Variants in MLPH observed in about 807,000 individuals in gnomAD.
The protein encoded by MLPH is exophilin-3.
MLPH carries 51 observed loss-of-function variants against 72.1 expected under a neutral mutation model. The observed-to-expected ratio is 0.71, with a 90% CI of 0.56 to 0.89. MLPH has a LOEUF of 0.89. Ranked by LOEUF, MLPH falls within the 40% of genes least tolerant of loss-of-function variation. MLPH has a pLI of 0.00. For synonymous variants in MLPH, 301 were observed against 310.1 expected (o/e 0.97, Z 0.31); for missense variants, 743 against 759.9 (o/e 0.98, Z 0.26).
chr2:237,500,848 C>T (rs1478127754), intron 2 of MLPH, among the ~76,000 whole-genome samples: 2 of 152,112 alleles, frequency 1.3e-5, no homozygotes, highest in Non-Finnish European at 2.9e-5. Context: ...CAATGCCAGC[C>T]TCAGGTCACG....
rs552667107 is a variant in MLPH at position 237,525,804 on chromosome 2, C to A, written c.879C>A (p.Leu293=). Residue 293 remains leucine, a splice_region_variant and synonymous_variant, in exon 7 of 16, where the codon CTC becomes CTA. Coordinates refer to ENST00000264605, the MANE Select transcript of MLPH (RefSeq NM_024101.7). ...TGGCCCTGGGGACTGCTGCTGCACT[C>A]GGTAGGTGCCCTTGGCCAGGGTCTT... ...HRMALGTAAA[L]GSNVIRNEQL... The A allele has an allele frequency of 3.7e-6, 6 of 1,611,188 alleles. No individual in the cohort carries two copies. The African/African-American group carries it at 6.7e-5, about 18-fold the overall frequency.
chr2:237,494,574 G>A (rs746130373), intron 2 of MLPH, among the ~76,000 whole-genome samples: 4 of 152,130 alleles, frequency 2.6e-5, no homozygotes, highest in Non-Finnish European at 5.9e-5. Context: ...GGCAGAGCCA[G>A]CAAGCTTGAC....
chr2:237,511,206 ATGTG>A (rs918131689), intron 4 of MLPH, 105 bp downstream of exon 4: 71 of 853,780 alleles, frequency 8.3e-5, no homozygotes, highest in Non-Finnish European at 1.4e-4. Flanking sequence ...GTGTGTGTGC[ATGTG>A]TGTGTGCACA....
chr2:237,503,636 A>C (rs574691171), intron 2 of MLPH, among the ~76,000 whole-genome samples: 9 of 151,764 alleles, frequency 5.9e-5, no homozygotes, highest in Non-Finnish European at 1.2e-4. Flanking sequence ...CCAGTCCCCA[A>C]CTCAGGGTCA....
chr2:237,525,020 C>CA, intron 6 of MLPH, among the ~76,000 whole-genome samples: 1 of 152,326 alleles, frequency 6.6e-6, no homozygotes, highest in Middle Eastern at 3.4e-3. Flanking sequence ...CTCCACCCCC[C>CA]ACTCACAGTC....
At chr2:237,515,537 G>A (rs1473202416) in intron 4 of MLPH, among the ~76,000 whole-genome samples, 1 of 152,176 alleles carries the variant, frequency 6.6e-6, no homozygotes, top group African/African-American at 2.4e-5. Context: ...TCAGGGAAAT[G>A]TCTAAAACAG....
At chr2:237,517,850 G>A (rs1411992772) in intron 4 of MLPH, among the ~76,000 whole-genome samples, 1 of 151,548 alleles carries the variant, frequency 6.6e-6, no homozygotes, top group Non-Finnish European at 1.5e-5. Context: ...AGGCATGGGT[G>A]GTAGGTGGAT....
chr2:237,546,543 G>C, intron 12 of MLPH, 63 bp from the exon 13 acceptor site: 1 of 1,430,758 alleles, frequency 7.0e-7, no homozygotes, highest in Non-Finnish European at 9.9e-7. Flanking sequence ...GCTGACCCAT[G>C]CCCATGCTCC....
chr2:237,519,871 G>C, intron 5 of MLPH, 39 bp from the exon 6 acceptor site: 6 of 1,613,806 alleles, frequency 3.7e-6, no homozygotes, highest in Non-Finnish European at 5.1e-6. Flanking sequence ...CCTCAAGCTA[G>C]CCCTGACTTG....
rs375267646 is a variant in MLPH at position 237,519,973 on chromosome 2, C to T, written c.619C>T (p.Pro207Ser). The T allele has an allele frequency of 3.7e-6, 6 of 1,613,934 alleles. No individual in the cohort carries two copies. The African/African-American group carries it at 8.0e-5, about 22-fold the overall frequency. The stretch of plus-strand genomic sequence containing the variant: ...GGGAGACTCAGATGACTCCACTCAG[C>T]CTCAAGGTCACTCCCTGCACCTGTC... ...FEGDSDDSTQ[P>S]QGHSLHLSSV... Residue 207 changes from proline to serine, a missense_variant, in exon 6 of 16, where the codon CCT becomes TCT. Pro to Ser is a moderately conservative substitution (Grantham distance 74, BLOSUM62 -1). Transcript: ENST00000264605.
At chr2:237,542,422 G>A in intron 11 of MLPH, 145 bp from the exon 12 acceptor site, 1 of 722,174 alleles carries the variant, frequency 1.4e-6, no homozygotes, top group East Asian at 2.7e-5. Flanking sequence ...CATGGGCATG[G>A]GGCTGTGATG....
At chr2:237,502,230 C>A (rs2079667294) in intron 2 of MLPH, among the ~76,000 whole-genome samples, 1 of 152,212 alleles carries the variant, frequency 6.6e-6, no homozygotes, top group Non-Finnish European at 1.5e-5. Flanking sequence ...AAGATTATCA[C>A]ATGTTATTAT....
At chr2:237,501,234 C>T (rs571283835) in intron 2 of MLPH, among the ~76,000 whole-genome samples, 2 of 152,144 alleles carry the variant, frequency 1.3e-5, no homozygotes. Context: ...GACCATGGAA[C>T]GACTCCACAG....
At chr2:237,539,924 C>G (rs2080629934) in intron 9 of MLPH, among the ~76,000 whole-genome samples, 1 of 152,188 alleles carries the variant, frequency 6.6e-6, no homozygotes, top group Admixed American at 6.5e-5. Flanking sequence ...GTGGGAAGAG[C>G]CCAGCCCCTG....
chr2:237,536,452 C>T (rs2080532745), intron 9 of MLPH, among the ~76,000 whole-genome samples: 1 of 152,208 alleles, frequency 6.6e-6, no homozygotes, highest in African/African-American at 2.4e-5. Flanking sequence ...AAACTGAGGC[C>T]CAGGCTCTCA....
intron 2 of MLPH, among the ~76,000 whole-genome samples, chr2:237,494,817 C>T (rs538509773): frequency 2.6e-4 from 40 of 152,240 alleles, no homozygotes; most frequent in African/African-American, 9.2e-4. Flanking sequence ...ACGAGAGCTT[C>T]GTAAAGGTGA....
chr2:237,520,051 T>A (rs992841369), intron 6 of MLPH, 22 bp downstream of exon 6: 1 of 1,613,498 alleles, frequency 6.2e-7, no homozygotes, highest in Non-Finnish European at 8.5e-7. Context: ...CTCGTGTCTT[T>A]CCCCTGCCCC....
intron 8 of MLPH, among the ~76,000 whole-genome samples, chr2:237,533,390 C>CATTTTTTTTTTTTTTTTTTT (rs1553600847): frequency 9.3e-6 from 1 of 108,008 alleles, no homozygotes; most frequent in African/African-American, 3.8e-5. Context: ...ATTTTCTTTT[C>CATTTTTTTTTTTTTTTTTTT]TTTTTTTTTT....
In MLPH at chr2:237,552,372, T is replaced by G; in HGVS notation, c.1711T>G (p.Tyr571Asp). ...DDDSFDRKSVYRGSLTQRNPN... is the reference protein window; with the variant it reads ...DDDSFDRKSVDRGSLTQRNPN... Reference sequence around the variant, plus strand: ...TGATTCTTTTGATCGGAAATCAGTGTACCGAGGCTCGCTGACACAGAGAAA... The same window carrying G: ...TGATTCTTTTGATCGGAAATCAGTGGACCGAGGCTCGCTGACACAGAGAAA... Residue 571 changes from tyrosine (Y) to aspartate (D), a missense_variant, in exon 15 of 16, where the codon TAC becomes GAC. Coordinates refer to ENST00000264605, the MANE Select transcript of MLPH (RefSeq NM_024101.7). The G allele has an allele frequency of 6.2e-7, 1 of 1,614,098 alleles. No homozygotes were observed. The highest frequency in any genetic ancestry group is 8.5e-7 in the Non-Finnish European group (1 of 1,179,996).
Sources: allele counts gnomAD v4.1 joint callset (sites outside exome capture counted in the v4.1 genomes callset), GRCh38; gene constraint gnomAD v4.1.1; transcripts MANE v1.5; gene names NCBI Gene and HGNC (gene_info 2026-07-23, HGNC 2026-07-21).